The following MCC variants were observed in gnomAD, a reference collection of about 807,000 sequenced individuals.
MCC encodes MCC regulator of Wnt signaling pathway.
Under a neutral mutation model 116.2 loss-of-function variants are expected in MCC, and 90 were observed. The ratio of observed to expected loss-of-function variants is 0.77; its 90% CI spans 0.65 to 0.92. The LOEUF (loss-of-function observed/expected upper bound fraction) is 0.92, where lower values mean the gene tolerates loss of function less well. MCC is among the 40% of genes least tolerant of loss of function. The pLI is 0.00. For missense variants in MCC, 1,516 were observed against 1,312.2 expected (o/e 1.16, Z -2.40); for synonymous variants, 578 against 510.5 (o/e 1.13, Z -1.78).
At chr5:113,397,771 T>C (rs540100527) in intron 1 of MCC, among the ~76,000 whole-genome samples, 1 of 152,246 alleles carries the variant, frequency 6.6e-6, no homozygotes, top group South Asian at 2.1e-4. Flanking sequence ...TTCTGAACAT[T>C]GGCCTTGGAA....
intron 3 of MCC, among the ~76,000 whole-genome samples, chr5:113,281,016 C>A (rs1766027878): frequency 6.6e-6 from 1 of 152,226 alleles, no homozygotes; most frequent in Non-Finnish European, 1.5e-5. Context: ...GACCAAACTG[C>A]TTAACAACTT....
rs763900529 is a variant in MCC at position 113,085,247 on chromosome 5, G to A, written c.1462C>T (p.Leu488Phe). Residue 488 changes from leucine (L) to phenylalanine (F), a missense_variant, in exon 9 of 19, where the codon CTC becomes TTC. Coordinates refer to ENST00000408903, the MANE Select transcript of MCC (RefSeq NM_001085377.2). ...QATGPSSPGR[L>F]TSTNRPINPS... ...TTAATCGGGCGGTTGGTGGAAGTGA[G>A]GCGGCCAGGGCTGGAGGGACCTGTG... 6.2e-7 allele frequency: 1 copy of A among 1,614,190 alleles called. No homozygotes were observed. The highest frequency in any genetic ancestry group is 2.2e-5 in the East Asian group (1 of 44,862).
At chr5:113,286,323 C>G (rs1355763017) in intron 3 of MCC, among the ~76,000 whole-genome samples, 1 of 152,268 alleles carries the variant, frequency 6.6e-6, no homozygotes, top group Non-Finnish European at 1.5e-5. Context: ...CATAACCAGT[C>G]AGAGGCCTCC....
intron 3 of MCC, among the ~76,000 whole-genome samples, chr5:113,261,693 T>A (rs1344149217): frequency 6.6e-6 from 1 of 152,178 alleles, no homozygotes; most frequent in Non-Finnish European, 1.5e-5. Flanking sequence ...ATAAATTAAA[T>A]ACACATCCTA....
At chr5:113,108,523 C>A (rs6594682) in intron 6 of MCC, among the ~76,000 whole-genome samples, 4 of 150,452 alleles carry the variant, frequency 2.7e-5, no homozygotes, top group African/African-American at 9.8e-5. Flanking sequence ...CATAGTGGTG[C>A]GGGCCTGTAA....
intron 3 of MCC, among the ~76,000 whole-genome samples, chr5:113,186,309 A>G (rs1761892977): frequency 6.6e-6 from 1 of 152,182 alleles, no homozygotes; most frequent in Admixed American, 6.5e-5. Flanking sequence ...CAGGGGCTAT[A>G]GACACATTTT....
Position 113,151,298 on chromosome 5 carries a change from A to T in MCC, c.741+11T>A, listed in dbSNP as rs774225809. The T allele has an allele frequency of 9.7e-6, 15 of 1,549,870 alleles. No homozygotes were observed. Among genetic ancestry groups the T allele is most frequent in the Non-Finnish European group, 1.2e-5 (14 of 1,130,826 alleles). ...ACAAAAGCAAACTAAAAACCTTTCCAGATCCCTTACCTGTGCCTTGGCCAA... is the reference window on the plus strand; with the variant it reads ...ACAAAAGCAAACTAAAAACCTTTCCTGATCCCTTACCTGTGCCTTGGCCAA... On this transcript the variant is annotated intron_variant, in intron 4 of 18. Coordinates refer to ENST00000408903, the MANE Select transcript of MCC (RefSeq NM_001085377.2).
chr5:113,470,065 C>G (rs1487881164), intron 1 of MCC, among the ~76,000 whole-genome samples: 1 of 152,008 alleles, frequency 6.6e-6, no homozygotes, highest in Non-Finnish European at 1.5e-5. Flanking sequence ...TATTTTGAGC[C>G]TATGTGTGTC....
chr5:113,223,732 G>A (rs578067172), intron 3 of MCC, among the ~76,000 whole-genome samples: 1 of 152,192 alleles, frequency 6.6e-6, no homozygotes, highest in Non-Finnish European at 1.5e-5. Flanking sequence ...CTGGTAAACT[G>A]GTCAGGGCAA....
intron 17 of MCC, among the ~76,000 whole-genome samples, chr5:113,030,818 G>A (rs1311564618): frequency 6.6e-6 from 1 of 152,196 alleles, no homozygotes; most frequent in Non-Finnish European, 1.5e-5. Flanking sequence ...AATAAGACTA[G>A]AAGGTGAAAC....
chr5:113,072,046 T>C lies in MCC; in HGVS notation c.1785-812A>G, dbSNP rs1465552130. Among the ~76,000 whole-genome samples the C allele has an allele frequency of 4.6e-5, 7 of 152,350 alleles. No individual in the cohort carries two copies. The South Asian group carries it at 1.0e-3, about 23-fold the overall frequency. The stretch of plus-strand genomic sequence containing the variant: ...AAAGTTAGCAAACAAATGAATAATA[T>C]GATCCTTCAGCTTCTCCGTTTTCCA... On this transcript the variant is annotated intron_variant, in intron 11 of 18. Coordinates refer to ENST00000408903, the MANE Select transcript of MCC (RefSeq NM_001085377.2).
intron 1 of MCC, among the ~76,000 whole-genome samples, chr5:113,409,505 A>T (rs2150401998): frequency 6.6e-6 from 1 of 152,012 alleles, no homozygotes; most frequent in East Asian, 1.9e-4. Flanking sequence ...GTGTGCACCA[A>T]CACACCTGGC....
At chr5:113,352,423 A>G (rs1214454831) in intron 2 of MCC, among the ~76,000 whole-genome samples, 1 of 151,862 alleles carries the variant, frequency 6.6e-6, no homozygotes, top group East Asian at 1.9e-4. Flanking sequence ...CTATCTTCCC[A>G]TATTTTTTCC....
In MCC at chr5:113,273,815, A is replaced by G. The variant is rs376375985; in HGVS notation, c.627+66704T>C. Among the ~76,000 whole-genome samples the G allele has an allele frequency of 3.3e-5, 5 of 152,048 alleles. No individual in the cohort carries two copies. The East Asian group carries it at 7.7e-4, about 23-fold the overall frequency. On this transcript the variant is annotated intron_variant, in intron 3 of 18. Transcript: ENST00000408903. ...AATCTTCTCATCCATATTAGACGGG[A>G]TGAGAAAAAAAAAACAGTGAGCAAT...
At chr5:113,330,582 G>A (rs1767675339) in intron 3 of MCC, among the ~76,000 whole-genome samples, 1 of 152,194 alleles carries the variant, frequency 6.6e-6, no homozygotes, top group African/African-American at 2.4e-5. Flanking sequence ...TGATAGACAT[G>A]GTGCTGCCAA....
intron 3 of MCC, among the ~76,000 whole-genome samples, chr5:113,207,596 C>A (rs539323501): frequency 6.6e-6 from 1 of 152,184 alleles, no homozygotes; most frequent in Non-Finnish European, 1.5e-5. Context: ...AGTTATCCAA[C>A]GCCTACAGTG....
chr5:113,049,874 G>A (rs908456192), intron 15 of MCC, among the ~76,000 whole-genome samples: 7 of 152,184 alleles, frequency 4.6e-5, no homozygotes, highest in Non-Finnish European at 8.8e-5. Flanking sequence ...GGGCCCAAAT[G>A]AAATCAATAG....
At chr5:113,372,668 C>T (rs1348792859) in intron 2 of MCC, among the ~76,000 whole-genome samples, 2 of 152,116 alleles carry the variant, frequency 1.3e-5, no homozygotes, top group African/African-American at 4.8e-5. Flanking sequence ...TGAATGTGAT[C>T]ACTATATTGT....
chr5:113,434,886 G>A lies in MCC; in HGVS notation c.171-49674C>T, dbSNP rs749456067. On this transcript the variant is annotated intron_variant, in intron 1 of 18. Coordinates refer to ENST00000408903, the MANE Select transcript of MCC (RefSeq NM_001085377.2). The surrounding 1 kb of genome is among the most constrained non-coding windows in gnomAD (Gnocchi z 4.2). ...CTCTGAGGCTGCCCTCTACAGCCCCGAGGCGCATGGGCCAGCAGTGTGCTC... is the reference window on the plus strand; with the variant it reads ...CTCTGAGGCTGCCCTCTACAGCCCCAAGGCGCATGGGCCAGCAGTGTGCTC... The A allele has an allele frequency of 2.2e-5, 34 of 1,567,182 alleles. No individual in the cohort carries two copies. Among genetic ancestry groups the A allele is most frequent in the African/African-American group, 6.8e-5 (5 of 73,680 alleles).
Sources: gnomAD v4.1 joint callset for allele counts (sites outside exome capture counted in the v4.1 genomes callset) on GRCh38, gnomAD v4.1.1 for gene constraint, Gnocchi (gnomAD v3.1) non-coding constraint, MANE v1.5 for transcripts, NCBI Gene and HGNC (gene_info 2026-07-23, HGNC 2026-07-21) for gene names.